Variants in PLPP4 observed in about 807,000 individuals in gnomAD.
PLPP4 encodes the protein diacylglycerol pyrophosphate like 2.
A neutral mutation model predicts 32.2 loss-of-function variants in PLPP4; 20 were observed. That is an observed-to-expected ratio of 0.62 (90% CI 0.44 to 0.90). The LOEUF is 0.90. Among genes scored for constraint, PLPP4 ranks in the 40% least tolerant of loss-of-function variants. The pLI, the probability that PLPP4 is intolerant of heterozygous loss-of-function variation, is 0.00. For missense variants in PLPP4, 257 were observed against 353.1 expected, an observed-to-expected ratio of 0.73 and a Z score of 2.18; for synonymous variants, 127 against 133.0, an observed-to-expected ratio of 0.95 and a Z score of 0.31.
At chr10:120,552,830 C>T (rs1288396606) in intron 5 of PLPP4, among the ~76,000 whole-genome samples, 4 of 152,192 alleles carry the variant, frequency 2.6e-5, no homozygotes, top group Non-Finnish European at 5.9e-5. Context: ...TGCTGATTTA[C>T]ACAACTCTTC....
intron 1 of PLPP4, among the ~76,000 whole-genome samples, chr10:120,462,009 A>G (rs1848072380): frequency 6.6e-6 from 1 of 152,236 alleles, no homozygotes; most frequent in South Asian, 2.1e-4. Flanking sequence ...CTAAGAGCCC[A>G]GTGTAAGACT....
At chr10:120,528,411 A>G (rs2133928847) in intron 5 of PLPP4, among the ~76,000 whole-genome samples, 1 of 152,248 alleles carries the variant, frequency 6.6e-6, no homozygotes, top group South Asian at 2.1e-4. Context: ...ATAAAATGGC[A>G]TGGGCTGCTT....
At position 120,589,536 on chromosome 10, in the gene PLPP4, G is replaced by A; in HGVS notation, c.*34G>A. On this transcript the variant is annotated 3_prime_UTR_variant, in exon 7 of 7. Transcript: ENST00000398250. ...CTGGGAGGATGGACACTAAGCCCTG[G>A]GCACATCTGCCACCCTGACATCATA... 6.5e-7 allele frequency: 1 copy of A among 1,537,216 alleles called. No homozygotes were observed. Among genetic ancestry groups the A allele is most frequent in the Non-Finnish European group, 9.0e-7 (1 of 1,114,446 alleles).
At chr10:120,585,346 T>C (rs370649464) in intron 6 of PLPP4, among the ~76,000 whole-genome samples, 23 of 152,302 alleles carry the variant, frequency 1.5e-4, no homozygotes, top group African/African-American at 5.3e-4. Flanking sequence ...GTGACAAACG[T>C]GTTTTTAAGT....
At chr10:120,580,576 T>C (rs1849448404) in intron 6 of PLPP4, among the ~76,000 whole-genome samples, 1 of 151,750 alleles carries the variant, frequency 6.6e-6, no homozygotes, top group Non-Finnish European at 1.5e-5. Context: ...AGCCTTACGC[T>C]GAGTAACACC....
intron 5 of PLPP4, among the ~76,000 whole-genome samples, chr10:120,530,597 A>G (rs1244343494): frequency 3.9e-5 from 6 of 152,240 alleles, no homozygotes; most frequent in Non-Finnish European, 8.8e-5. Flanking sequence ...TTCAGTTGTG[A>G]ATAAAGCTGC....
chr10:120,576,192 A>G (rs1235821871), intron 6 of PLPP4, among the ~76,000 whole-genome samples: 7 of 152,224 alleles, frequency 4.6e-5, no homozygotes, highest in South Asian at 2.1e-4. Context: ...GAGCTCCACC[A>G]TATGTGTCAA....
intron 5 of PLPP4, among the ~76,000 whole-genome samples, chr10:120,527,835 A>T (rs1021184435): frequency 6.6e-6 from 1 of 152,142 alleles, no homozygotes; most frequent in Non-Finnish European, 1.5e-5. Context: ...TGAATTGAGA[A>T]ATTATCACAT....
chr10:120,483,748 G>T (rs905332502), intron 1 of PLPP4, among the ~76,000 whole-genome samples: 2 of 152,156 alleles, frequency 1.3e-5, no homozygotes, highest in Non-Finnish European at 2.9e-5. Context: ...TCCCATGACA[G>T]CTAGTTGTTA....
chr10:120,483,155 G>C (rs1844288488), intron 1 of PLPP4, among the ~76,000 whole-genome samples: 1 of 152,118 alleles, frequency 6.6e-6, no homozygotes. Context: ...TCAGATTTTG[G>C]CCTCTTGGAC....
intron 5 of PLPP4, among the ~76,000 whole-genome samples, chr10:120,542,008 C>A (rs1438128585): frequency 1.3e-5 from 2 of 152,182 alleles, no homozygotes; most frequent in East Asian, 1.9e-4. Context: ...AAACTCCTGA[C>A]CTCGTGATTC....
intron 1 of PLPP4, among the ~76,000 whole-genome samples, chr10:120,493,660 C>G (rs184795293): frequency 2.6e-5 from 4 of 152,178 alleles, no homozygotes; most frequent in African/African-American, 9.7e-5. Flanking sequence ...CCAATCCCCC[C>G]CCATCCTACC....
chr10:120,544,209 C>G (rs1847500859), intron 5 of PLPP4, among the ~76,000 whole-genome samples: 1 of 152,230 alleles, frequency 6.6e-6, no homozygotes, highest in Non-Finnish European at 1.5e-5. Context: ...TCCACCGCAG[C>G]TGCATCATTT....
rs71819744 is a variant in PLPP4 at position 120,529,185 on chromosome 10, CGTGTGT to C, written c.445+8102_445+8107del. On this transcript the variant is annotated intron_variant, in intron 5 of 6. Coordinates refer to ENST00000398250, the MANE Select transcript of PLPP4 (RefSeq NM_001030059.3). The stretch of plus-strand genomic sequence containing the variant: ...GACATTTTTGGTTGTCACAAGTGTG[CGTGTGT>C]GTGTGTGTGTGCGTGCATGTGTAAC... Among the ~76,000 whole-genome samples, 378 of 150,698 alleles carry C rather than the reference CGTGTGT, an allele frequency of 2.5e-3. 4 individuals are homozygous for C. The highest frequency in any genetic ancestry group is 8.1e-3 in the African/African-American group (334 of 41,080).
Position 120,591,536 on chromosome 10 carries a change from T to A in PLPP4, c.*2034T>A. Among the ~76,000 whole-genome samples, 1 of 151,966 alleles carries A rather than the reference T, an allele frequency of 6.6e-6. No individual in the cohort carries two copies. The highest frequency in any genetic ancestry group is 1.5e-5 in the Non-Finnish European group (1 of 67,982). On this transcript the variant is annotated 3_prime_UTR_variant, in exon 7 of 7. Coordinates refer to ENST00000398250, the MANE Select transcript of PLPP4 (RefSeq NM_001030059.3). Reference sequence around the variant, plus strand: ...TTAAAATTAGAAAATTAAACAATACTCTAATTTAACTAAAAACTCTATAAT... The same window carrying A: ...TTAAAATTAGAAAATTAAACAATACACTAATTTAACTAAAAACTCTATAAT...
At position 120,591,941 on chromosome 10, in the gene PLPP4, G is replaced by A. The variant is rs1850002636; in HGVS notation, c.*2439G>A. On this transcript the variant is annotated 3_prime_UTR_variant, in exon 7 of 7. Transcript: ENST00000398250. ...TGGTAGGATCCTCAGGAGCCATAAT[G>A]AACAGTGTAAGCCAGTTCACAAAAG... Among the ~76,000 whole-genome samples, 1 of 152,166 alleles carries A rather than the reference G, an allele frequency of 6.6e-6. No homozygotes were observed. The highest frequency in any genetic ancestry group is 2.1e-4 in the South Asian group (1 of 4,828).
intron 5 of PLPP4, among the ~76,000 whole-genome samples, chr10:120,537,761 A>G (rs1276864799): frequency 1.3e-5 from 2 of 152,294 alleles, no homozygotes; most frequent in African/African-American, 4.8e-5. Context: ...TCTTTTCACA[A>G]TAAATACATA....
chr10:120,493,714 T>C (rs548504604), intron 1 of PLPP4, among the ~76,000 whole-genome samples: 1 of 152,278 alleles, frequency 6.6e-6, no homozygotes, highest in Non-Finnish European at 1.5e-5. Context: ...CGTGTTTTCA[T>C]TGTCTCTTAT....
Position 120,475,802 on chromosome 10 carries a change from C to A in PLPP4, c.56+18441C>A, listed in dbSNP as rs58452144. ...GACCAGCTTGAAAACCCAGAGGGCA[C>A]CACATGTCACAATGGGAATAGCTGC... On this transcript the variant is annotated intron_variant, in intron 1 of 6. Coordinates refer to ENST00000398250, the MANE Select transcript of PLPP4 (RefSeq NM_001030059.3). Among the ~76,000 whole-genome samples, 73 of 152,298 alleles carry A rather than the reference C, an allele frequency of 4.8e-4. No individual in the cohort carries two copies. The East Asian group carries it at 0.011, about 22-fold the overall frequency.
Sources: allele counts gnomAD v4.1 joint callset (sites outside exome capture counted in the v4.1 genomes callset), GRCh38; gene constraint gnomAD v4.1.1; transcripts MANE v1.5; gene names NCBI Gene and HGNC (gene_info 2026-07-23, HGNC 2026-07-21).